UNC13C: variants seen among roughly 807,000 people sequenced by gnomAD.
UNC13C encodes unc-13 homolog C, also known as protein unc-13 homolog C.
UNC13C carries 174 observed loss-of-function variants against 245.4 expected under a neutral mutation model. That is an observed-to-expected ratio of 0.71 (90% CI 0.63 to 0.80). The LOEUF (loss-of-function observed/expected upper bound fraction) is 0.80. UNC13C is among the 30% of genes least tolerant of loss of function. The pLI is 0.00. For missense variants in UNC13C, 2,829 were observed against 2,602.9 expected, an observed-to-expected ratio of 1.09 and a Z score of -1.89; for synonymous variants, 992 against 895.1, an observed-to-expected ratio of 1.11 and a Z score of -1.93.
At position 54,138,953 on chromosome 15, in the gene UNC13C, ATTTTTTT is replaced by A. The variant is rs56255946; in HGVS notation, c.2984-4046_2984-4040del. On this transcript the variant is annotated intron_variant, in intron 2 of 32. Transcript: ENST00000260323. ...TGCATATATCTCCAAATTTCCCCTA[ATTTTTTT>A]TTTTTTTTTTTTTTTTTTGAGACGG... 2.9e-4 allele frequency among the ~76,000 whole-genome samples: 14 copies of A among 48,640 alleles called. 1 individual carries two copies. The highest frequency in any genetic ancestry group is 4.2e-4 in the Non-Finnish European group (12 of 28,642). The allele number at this position is 48,640 out of a possible 152,430, so 31.9% of individuals were successfully genotyped here. A position where few individuals can be genotyped will look rare whatever the true frequency, so the allele number is the denominator to read the frequency against.
At chr15:54,185,630 ATCT>A (rs766948015) in intron 4 of UNC13C, among the ~76,000 whole-genome samples, 2,348 of 133,926 alleles carry the variant, frequency 0.018, 21 homozygotes, top group African/African-American at 0.042. Flanking sequence ...ATTGATCTAT[ATCT>A]CTGTTTTTGT....
At chr15:54,483,605 C>T (rs1490985799) in intron 19 of UNC13C, among the ~76,000 whole-genome samples, 1 of 152,152 alleles carries the variant, frequency 6.6e-6, no homozygotes, top group Non-Finnish European at 1.5e-5. Context: ...AAGCCATTCA[C>T]CTGCCTCAGC....
chr15:54,370,027 A>T (rs74325784), intron 17 of UNC13C, among the ~76,000 whole-genome samples: 9 of 152,112 alleles, frequency 5.9e-5, no homozygotes, highest in African/African-American at 1.7e-4. Context: ...TGTACTTAAC[A>T]GTGTTTGTTG....
At chr15:54,086,439 T>C (rs1269612015) in intron 2 of UNC13C, among the ~76,000 whole-genome samples, 1 of 152,126 alleles carries the variant, frequency 6.6e-6, no homozygotes, top group African/African-American at 2.4e-5. Flanking sequence ...TAACCAAAAA[T>C]TTTTCAGCAA....
At chr15:54,522,748 A>C (rs1895275750) in intron 24 of UNC13C, among the ~76,000 whole-genome samples, 1 of 152,184 alleles carries the variant, frequency 6.6e-6, no homozygotes, top group Non-Finnish European at 1.5e-5. Flanking sequence ...ATTTGACTCA[A>C]AATCCTTAAA....
intron 10 of UNC13C, among the ~76,000 whole-genome samples, chr15:54,274,675 T>TG (rs2036782397): frequency 1.4e-5 from 2 of 140,198 alleles, no homozygotes; most frequent in East Asian, 4.1e-4. Context: ...GACTTTTTTT[T>TG]TTTTTTTTTT....
At chr15:53,901,218 CTTTTTTTTT>C in the UNC13C span, among the ~76,000 whole-genome samples, 5 of 104,830 alleles carry the variant, frequency 4.8e-5, no homozygotes, top group Non-Finnish European at 7.6e-5. Flanking sequence ...TCATAGATTT[CTTTTTTTTT>C]TTTTTTTTTT....
intron 7 of UNC13C, among the ~76,000 whole-genome samples, 161 bp from the exon 8 acceptor site, chr15:54,250,064 A>C (rs915972007): frequency 6.6e-6 from 1 of 152,222 alleles, no homozygotes; most frequent in African/African-American, 2.4e-5. Context: ...ATAGGTTAGC[A>C]GAGTTATTAT....
intron 17 of UNC13C, among the ~76,000 whole-genome samples, chr15:54,371,871 A>T (rs1484024541): frequency 6.6e-6 from 1 of 152,148 alleles, no homozygotes; most frequent in Non-Finnish European, 1.5e-5. Context: ...ATGATCTCAC[A>T]TATTTGTGGA....
chr15:54,594,266 T>C (rs975962288), intron 30 of UNC13C, among the ~76,000 whole-genome samples: 1 of 152,042 alleles, frequency 6.6e-6, no homozygotes, highest in Non-Finnish European at 1.5e-5. Context: ...GCTCTTAGCT[T>C]TGGTGGCTGA....
chr15:54,385,597 A>T (rs1338295085), intron 17 of UNC13C, among the ~76,000 whole-genome samples: 1 of 151,692 alleles, frequency 6.6e-6, no homozygotes, highest in Non-Finnish European at 1.5e-5. Flanking sequence ...GATTATGGAT[A>T]TAAAAATATA....
rs551769770 is a variant in UNC13C at position 54,206,987 on chromosome 15, G to T, written c.3072-28043G>T. Reference sequence around the variant, plus strand: ...ATTCCTAATGGAAGATAAAACCCAAGGTACCCTAAGTAGCAAAAATACCGT... The same window carrying T: ...ATTCCTAATGGAAGATAAAACCCAATGTACCCTAAGTAGCAAAAATACCGT... On this transcript the variant is annotated intron_variant, in intron 4 of 32. Transcript: ENST00000260323. Among the ~76,000 whole-genome samples, 8 of 152,078 alleles carry T rather than the reference G, an allele frequency of 5.3e-5. No individual in the cohort carries two copies. In the East Asian group the frequency reaches 1.6e-3, roughly 30 times the overall value.
chr15:54,125,960 T>C (rs182239697), intron 2 of UNC13C, among the ~76,000 whole-genome samples: 23 of 152,130 alleles, frequency 1.5e-4, no homozygotes, highest in African/African-American at 4.8e-4. Flanking sequence ...AGAAAACTTA[T>C]ACACAATACA....
chr15:53,908,689 C>T, the UNC13C span, among the ~76,000 whole-genome samples: 1 of 130,658 alleles, frequency 7.7e-6, no homozygotes, highest in South Asian at 2.6e-4. Flanking sequence ...GAGGTTGAAG[C>T]TGCAGTGAGA....
chr15:54,579,708 G>A (rs1044810837), intron 30 of UNC13C, among the ~76,000 whole-genome samples: 2 of 152,076 alleles, frequency 1.3e-5, no homozygotes, highest in African/African-American at 2.4e-5. Flanking sequence ...GCAGTGAGCC[G>A]AGATCACGCC....
chr15:54,223,425 T>C (rs1349809066), intron 4 of UNC13C, among the ~76,000 whole-genome samples: 1 of 152,102 alleles, frequency 6.6e-6, no homozygotes, highest in African/African-American at 2.4e-5. Context: ...TGTTTCTGGG[T>C]TCTCTATTCT....
intron 10 of UNC13C, among the ~76,000 whole-genome samples, chr15:54,280,106 G>C (rs1188926081): frequency 6.6e-6 from 1 of 151,980 alleles, no homozygotes; most frequent in Non-Finnish European, 1.5e-5. Flanking sequence ...TTAATAATTT[G>C]ACTAACATAT....
At position 54,567,782 on chromosome 15, in the gene UNC13C, A is replaced by ATTTTTTTT; in HGVS notation, c.5959-16_5959-9dup. On this transcript the variant is annotated splice_polypyrimidine_tract_variant and intron_variant, in intron 29 of 32. Transcript: ENST00000260323. ...TACTTCTCTCTAAATGCCTCGGCTT[A>ATTTTTTTT]TTTTTTTTTCTTTGTAGCAATACTT... 2 of 1,542,090 alleles carry ATTTTTTTT rather than the reference A, an allele frequency of 1.3e-6. No individual in the cohort carries two copies. Among genetic ancestry groups the ATTTTTTTT allele is most frequent in the Non-Finnish European group, 8.8e-7 (1 of 1,139,368 alleles).
rs192985886 is a variant in UNC13C, at chr15:54,069,829, G to T, written c.2983+53943G>T. 2.2e-3 allele frequency among the ~76,000 whole-genome samples: 331 copies of T among 152,352 alleles called. 2 individuals are homozygous for T. The highest frequency in any genetic ancestry group is 3.7e-3 in the South Asian group (18 of 4,832). On this transcript the variant is annotated intron_variant, in intron 2 of 32. Transcript: ENST00000260323. ...GATCTGATTTTCTGTAGATAGTGAA[G>T]AGCCATGTGAGGAGTAGTCCTCAAT... is the stretch of plus-strand genomic sequence containing the variant.
Sources: allele counts gnomAD v4.1 joint callset (sites outside exome capture counted in the v4.1 genomes callset), GRCh38; gene constraint gnomAD v4.1.1; transcripts MANE v1.5; gene names NCBI Gene and HGNC (gene_info 2026-07-23, HGNC 2026-07-21).